The following GALK2 variants were observed in gnomAD, a reference collection of about 807,000 sequenced individuals.
GALK2 encodes the protein N-acetylgalactosamine kinase.
In GALK2, 36 loss-of-function variants were observed where a neutral mutation model predicts 52.4. That is an observed-to-expected ratio of 0.69 (90% confidence interval 0.53 to 0.91). The LOEUF (loss-of-function observed/expected upper bound fraction) is 0.91. Ranked by LOEUF, GALK2 falls within the 40% of genes least tolerant of loss-of-function variation. The pLI, the probability that GALK2 is intolerant of heterozygous loss-of-function variation, is 0.00. For synonymous variants in GALK2, 176 were observed against 199.1 expected (o/e 0.88, Z 0.98); for missense variants, 579 against 559.1 (o/e 1.04, Z -0.36).
At chr15:49,164,507 A>G (rs1051624820) in intron 1 of GALK2, among the ~76,000 whole-genome samples, 4 of 152,118 alleles carry the variant, frequency 2.6e-5, no homozygotes, top group Non-Finnish European at 4.4e-5. Flanking sequence ...AAGGCTGGGC[A>G]TGGTGGCTCA....
chr15:49,341,148 G>A (rs1015018112), intron 3 of GALK2, among the ~76,000 whole-genome samples: 1 of 152,170 alleles, frequency 6.6e-6, no homozygotes, highest in African/African-American at 2.4e-5. Flanking sequence ...CCAGTACCAT[G>A]CTGTTTGGGT....
Position 49,187,972 on chromosome 15 carries a change from G to A in GALK2, c.54-13190G>A, listed in dbSNP as rs114043583. On this transcript the variant is annotated intron_variant, in intron 1 of 9. Transcript: ENST00000560031. The stretch of plus-strand genomic sequence containing the variant: ...ACCCATGCTTCAGGACAAAGTTCCC[G>A]TTAATCTTCCTTCTTTCCTCAAGCA... Among the ~76,000 whole-genome samples the A allele has an allele frequency of 2.0e-3, 304 of 152,118 alleles. 1 individual carries two copies. Among genetic ancestry groups the A allele is most frequent in the African/African-American group, 7.0e-3 (289 of 41,510 alleles).
Position 49,258,681 on chromosome 15 carries a change from G to A in GALK2, c.504+19314G>A, listed in dbSNP as rs2091921265. On this transcript the variant is annotated intron_variant, in intron 5 of 9. Coordinates refer to ENST00000560031, the MANE Select transcript of GALK2 (RefSeq NM_002044.4). ...CCAGAGGAGTTGCTCCTTGAATTTA[G>A]TTGTAGTGAAAAAGCAAGTAGAAAA... is the stretch of plus-strand genomic sequence containing the variant. 2.6e-5 allele frequency among the ~76,000 whole-genome samples: 4 copies of A among 151,810 alleles called. No individual in the cohort carries two copies. The South Asian group carries it at 8.3e-4, about 32-fold the overall frequency.
At chr15:49,210,414 T>TGAG (rs3075096) in intron 2 of GALK2, among the ~76,000 whole-genome samples, 9,113 of 151,394 alleles carry the variant, frequency 0.06, 539 homozygotes, top group African/African-American at 0.15. Flanking sequence ...TTTTAGTGGC[T>TGAG]GATTTATTTT....
chr15:49,305,899 T>A (rs1277009650), intron 8 of GALK2, among the ~76,000 whole-genome samples: 1 of 152,218 alleles, frequency 6.6e-6, no homozygotes, highest in African/African-American at 2.4e-5. Context: ...ACATTTGTAA[T>A]CATGGAGTGC....
chr15:49,366,288 C>T (rs2045173945), intron 3 of GALK2: 2 of 788,182 alleles, frequency 2.5e-6, no homozygotes. Flanking sequence ...AGTATTTTCA[C>T]ATCAGGAAAT....
chr15:49,259,011 ATTTG>A (rs1218043100), intron 5 of GALK2, among the ~76,000 whole-genome samples: 5 of 150,790 alleles, frequency 3.3e-5, no homozygotes, highest in African/African-American at 1.2e-4. Context: ...TTTCTTGTAA[ATTTG>A]TTTGAGTTCA....
intron 3 of GALK2, among the ~76,000 whole-genome samples, chr15:49,348,682 A>G (rs1343546955): frequency 1.3e-5 from 2 of 152,280 alleles, no homozygotes; most frequent in Admixed American, 6.5e-5. Flanking sequence ...AGGTTGGGTG[A>G]ACACAAAATT....
intron 2 of GALK2, among the ~76,000 whole-genome samples, chr15:49,214,736 C>A (rs1038661845): frequency 3.3e-5 from 5 of 152,120 alleles, no homozygotes; most frequent in East Asian, 1.9e-4. Flanking sequence ...AATCTTCCTA[C>A]TAAGATATGA....
intron 1 of GALK2, among the ~76,000 whole-genome samples, chr15:49,192,300 C>T (rs1174515155): frequency 1.3e-5 from 2 of 151,638 alleles, no homozygotes; most frequent in Non-Finnish European, 2.9e-5. Context: ...TTTCTTTTAA[C>T]ATAGTATTTC....
At chr15:49,305,115 A>C (rs1423313757) in intron 8 of GALK2, among the ~76,000 whole-genome samples, 2 of 152,204 alleles carry the variant, frequency 1.3e-5, no homozygotes, top group African/African-American at 4.8e-5. Context: ...AATAATTTCT[A>C]AATTAGAAAT....
intron 3 of GALK2, among the ~76,000 whole-genome samples, chr15:49,235,174 ATTAAGT>A (rs1344243575): frequency 5.9e-5 from 9 of 152,296 alleles, no homozygotes; most frequent in East Asian, 3.9e-4. Flanking sequence ...TAGCCAGTTT[ATTAAGT>A]TTAACAGTCC....
intron 1 of GALK2, among the ~76,000 whole-genome samples, chr15:49,194,876 T>C (rs1247802308): frequency 6.6e-6 from 1 of 152,160 alleles, no homozygotes; most frequent in Non-Finnish European, 1.5e-5. Context: ...ATTACAGGCA[T>C]AAGCCACCGT....
intron 3 of GALK2, among the ~76,000 whole-genome samples, chr15:49,226,272 T>A (rs73392250): frequency 0.012 from 1,852 of 152,084 alleles, 36 homozygotes; most frequent in African/African-American, 0.043. Flanking sequence ...GCAGCAAGAG[T>A]GGGTTGCCCC....
At chr15:49,287,621 TA>T (rs1386258776) in intron 7 of GALK2, among the ~76,000 whole-genome samples, 1 of 151,912 alleles carries the variant, frequency 6.6e-6, no homozygotes, top group African/African-American at 2.4e-5. Context: ...GTAAAAAGTT[TA>T]AAAAAAAGCT....
At chr15:49,285,185 G>A (rs759715210) in intron 7 of GALK2, among the ~76,000 whole-genome samples, 7 of 152,212 alleles carry the variant, frequency 4.6e-5, no homozygotes, top group Middle Eastern at 3.4e-3. Context: ...TCCAGTGGAT[G>A]CTTTTCAGTC....
chr15:49,225,386 G>A (rs2090072421), intron 3 of GALK2: 1 of 374,520 alleles, frequency 2.7e-6, no homozygotes, highest in African/African-American at 2.1e-5. Context: ...TACCACCTGA[G>A]CTCGGTCTCC....
At chr15:49,196,926 CA>C (rs2087284304) in intron 1 of GALK2, among the ~76,000 whole-genome samples, 1 of 151,972 alleles carries the variant, frequency 6.6e-6, no homozygotes, top group Non-Finnish European at 1.5e-5. Flanking sequence ...TATGCCTCTA[CA>C]AAAAATTAAA....
chr15:49,192,997 C>CTTT (rs35231463), intron 1 of GALK2, among the ~76,000 whole-genome samples: 1 of 67,072 alleles, frequency 1.5e-5, no homozygotes, highest in African/African-American at 5.5e-5. Context: ...CTGTTTATAC[C>CTTT]TTTTTTTTTT....
Sources: gnomAD v4.1 joint callset for allele counts (sites outside exome capture counted in the v4.1 genomes callset) on GRCh38, gnomAD v4.1.1 for gene constraint, MANE v1.5 for transcripts, NCBI Gene and HGNC (gene_info 2026-07-23, HGNC 2026-07-21) for gene names.